Variants in CDYL observed in about 807,000 individuals in gnomAD.
CDYL encodes chromodomain Y like.
In CDYL, 8 loss-of-function variants were observed where a neutral mutation model predicts 47.3. The observed-to-expected ratio is 0.17, with a 90% CI of 0.10 to 0.31. The LOEUF (loss-of-function observed/expected upper bound fraction) is 0.31. Among genes scored for constraint, CDYL ranks in the 10% least tolerant of loss-of-function variants. CDYL has a pLI of 1.00. For synonymous variants in CDYL, 266 were observed against 265.0 expected (o/e 1.00, Z -0.04); for missense variants, 471 against 701.4 (o/e 0.67, Z 3.71).
chr6:4,883,056 C>T (rs564804225), intron 1 of CDYL, among the ~76,000 whole-genome samples: 1 of 152,304 alleles, frequency 6.6e-6, no homozygotes, highest in South Asian at 2.1e-4. Flanking sequence ...TGTAAGCGAC[C>T]TAAAATTGCC....
chr6:4,897,681 C>T (rs1762322106), intron 2 of CDYL, among the ~76,000 whole-genome samples: 1 of 152,056 alleles, frequency 6.6e-6, no homozygotes, highest in South Asian at 2.1e-4. Context: ...CTTTGGGAAG[C>T]TGAAGCTGGA....
chr6:4,780,398 GCCCC>G (rs1212971467), intron 1 of CDYL, among the ~76,000 whole-genome samples: 2 of 12,384 alleles, frequency 1.6e-4, no homozygotes, highest in African/African-American at 3.9e-4. Context: ...CCCCGCCTAC[GCCCC>G]CCCCCCCCCG....
intron 4 of CDYL, among the ~76,000 whole-genome samples, chr6:4,941,754 A>G (rs1758366138): frequency 6.6e-6 from 1 of 152,156 alleles, no homozygotes; most frequent in Non-Finnish European, 1.5e-5. Flanking sequence ...TTTTCTGTAG[A>G]ATTACCTTCT....
At chr6:4,742,580 G>A (rs1757816654) in intron 3 of CDYL, among the ~76,000 whole-genome samples, 1 of 151,402 alleles carries the variant, frequency 6.6e-6, no homozygotes. Flanking sequence ...ATCAAATCCT[G>A]CTGGAAAAGA....
chr6:4,726,245 C>CA (rs1428587134), intron 2 of CDYL, among the ~76,000 whole-genome samples: 1 of 151,938 alleles, frequency 6.6e-6, no homozygotes, highest in Non-Finnish European at 1.5e-5. Flanking sequence ...ACAAGAAATA[C>CA]AAAAAAATTA....
intron 1 of CDYL, among the ~76,000 whole-genome samples, chr6:4,880,845 T>TAA (rs1761744196): frequency 6.6e-6 from 1 of 152,258 alleles, no homozygotes; most frequent in Non-Finnish European, 1.5e-5. Flanking sequence ...AGATGTCTTT[T>TAA]GCCCATTTTT....
intron 2 of CDYL, among the ~76,000 whole-genome samples, chr6:4,731,159 A>G (rs1725542510): frequency 6.6e-6 from 1 of 152,038 alleles, no homozygotes; most frequent in African/African-American, 2.4e-5. Context: ...ACTTCTGGTA[A>G]TACATTGTAC....
At chr6:4,879,768 C>T (rs1761714646) in intron 1 of CDYL, among the ~76,000 whole-genome samples, 1 of 152,018 alleles carries the variant, frequency 6.6e-6, no homozygotes, top group African/African-American at 2.4e-5. Context: ...CCATGTTGGC[C>T]AGGCTAGTCT....
intron 1 of CDYL, among the ~76,000 whole-genome samples, chr6:4,878,376 G>C (rs1253171264): frequency 1.3e-5 from 2 of 151,808 alleles, no homozygotes; most frequent in Admixed American, 1.3e-4. Flanking sequence ...TGTGTGTGTA[G>C]AGGTTTGGGA....
intron 2 of CDYL, among the ~76,000 whole-genome samples, chr6:4,900,779 G>GTGTATATATATA: frequency 1.9e-5 from 1 of 51,700 alleles, no homozygotes; most frequent in African/African-American, 6.3e-5. Flanking sequence ...GTATACGTGT[G>GTGTATATATATA]TATATATATA....
At chr6:4,875,690 T>C (rs1761601067) in intron 1 of CDYL, among the ~76,000 whole-genome samples, 1 of 152,232 alleles carries the variant, frequency 6.6e-6, no homozygotes, top group Non-Finnish European at 1.5e-5. Context: ...TTTCTGAGAA[T>C]TTTTAAATTG....
intron 1 of CDYL, among the ~76,000 whole-genome samples, chr6:4,865,050 T>C (rs930835961): frequency 6.6e-6 from 1 of 152,232 alleles, no homozygotes; most frequent in Non-Finnish European, 1.5e-5. Flanking sequence ...TGGTTCTCTT[T>C]GCCCCCTTGC....
At chr6:4,734,714 G>A (rs1188919525) in intron 2 of CDYL, 1 of 1,608,252 alleles carries the variant, frequency 6.2e-7, no homozygotes, top group Non-Finnish European at 8.5e-7. Flanking sequence ...GGATGGGGAA[G>A]AGGATGGGTC....
At chr6:4,931,218 G>A (rs1269913248) in intron 2 of CDYL, among the ~76,000 whole-genome samples, 1 of 152,160 alleles carries the variant, frequency 6.6e-6, no homozygotes, top group Non-Finnish European at 1.5e-5. Context: ...TAAGACAGGC[G>A]AGGACCCTGC....
At chr6:4,868,804 A>G (rs1203189471) in intron 1 of CDYL, among the ~76,000 whole-genome samples, 1 of 152,214 alleles carries the variant, frequency 6.6e-6, no homozygotes, top group Non-Finnish European at 1.5e-5. Flanking sequence ...AGGATCATAC[A>G]TACACACATT....
intron 3 of CDYL, among the ~76,000 whole-genome samples, chr6:4,739,751 G>A (rs573186583): frequency 3.3e-5 from 5 of 151,906 alleles, no homozygotes; most frequent in South Asian, 2.1e-4. Context: ...TCAGGAGTTC[G>A]AGAACAGCCT....
intron 2 of CDYL, among the ~76,000 whole-genome samples, chr6:4,716,797 T>C (rs1294771484): frequency 6.6e-6 from 1 of 152,116 alleles, no homozygotes; most frequent in African/African-American, 2.4e-5. Flanking sequence ...ACAAAAAGCA[T>C]GGAGCAAGGT....
intron 1 of CDYL, among the ~76,000 whole-genome samples, chr6:4,844,852 A>G (rs954725249): frequency 6.6e-6 from 1 of 152,218 alleles, no homozygotes; most frequent in African/African-American, 2.4e-5. Context: ...AAATATTTTC[A>G]TAAGAACTGT....
intron 1 of CDYL, among the ~76,000 whole-genome samples, chr6:4,713,110 G>T (rs1198089244): frequency 6.6e-6 from 1 of 152,208 alleles, no homozygotes; most frequent in South Asian, 2.1e-4. Context: ...ACATGAGGGG[G>T]TCGAGCAAAA....
Sources: allele counts gnomAD v4.1 joint callset (sites outside exome capture counted in the v4.1 genomes callset), GRCh38; gene constraint gnomAD v4.1.1; transcripts MANE v1.5; gene names NCBI Gene and HGNC (gene_info 2026-07-23, HGNC 2026-07-21).